The following LIN54 variants were observed in gnomAD, a reference collection of about 807,000 sequenced individuals.
The protein encoded by LIN54 is lin-54 DREAM MuvB core complex component, also known as protein lin-54 homolog.
LIN54 carries 9 observed loss-of-function variants against 78.7 expected under a neutral mutation model. The observed-to-expected ratio is 0.11, with a 90% CI of 0.07 to 0.20. LIN54 has a LOEUF of 0.20. Among genes scored for constraint, LIN54 ranks in the 10% least tolerant of loss-of-function variants. The pLI is 1.00. For synonymous variants in LIN54, 269 were observed against 318.4 expected, an observed-to-expected ratio of 0.84 and a Z score of 1.65; for missense variants, 573 against 889.9, an observed-to-expected ratio of 0.64 and a Z score of 4.53.
chr4:82,930,421 G>T (rs1721856761), intron 12 of LIN54, among the ~76,000 whole-genome samples: 1 of 152,134 alleles, frequency 6.6e-6, no homozygotes, highest in African/African-American at 2.4e-5. Flanking sequence ...GAGGCTCAAA[G>T]AGATTCACAA....
rs1455398400 is a variant in LIN54 at position 82,984,451 on chromosome 4, T to G, written c.394A>C (p.Thr132Pro). The G allele has an allele frequency of 6.2e-7, 1 of 1,614,208 alleles. No homozygotes were observed. Among genetic ancestry groups the G allele is most frequent in the Non-Finnish European group, 8.5e-7 (1 of 1,180,038 alleles). The change falls in exon 2 of 13, where the codon ACC becomes CCC. Residue 132 changes from threonine to proline, a missense_variant. Transcript: ENST00000340417. ...QTSDLKLGNQ[T>P]LKPDGQKLIL... is the part of the protein sequence containing the mutation. ...AACTTCTGTCCATCTGGTTTAAGGG[T>G]CTGATTGCCAAGTTTAAGATCAGAT...
intron 1 of LIN54, among the ~76,000 whole-genome samples, chr4:82,985,109 G>A (rs1240578766): frequency 2.6e-5 from 4 of 152,090 alleles, no homozygotes; most frequent in African/African-American, 2.4e-5. Flanking sequence ...TCTTACTCTC[G>A]TCTCAATCCA....
At position 82,924,963 on chromosome 4, in the gene LIN54, G is replaced by GAT. The variant is rs1193413844; in HGVS notation, c.*3137_*3138dup. On this transcript the variant is annotated 3_prime_UTR_variant, in exon 13 of 13. Transcript: ENST00000340417. ...TTTGTGTTACAGAACAATAAAAATA[G>GAT]ATAACTTTTCTAAAATTATTTTTAT... The GAT allele has an allele frequency of 1.3e-5, 2 of 152,524 alleles. No individual in the cohort carries two copies. Among genetic ancestry groups the GAT allele is most frequent in the African/African-American group, 2.4e-5 (1 of 41,404 alleles). The allele number at this position is 152,524 out of a possible 1,614,324, so 9.4% of individuals were successfully genotyped here. A position where few individuals can be genotyped will look rare whatever the true frequency, so the allele number is the denominator to read the frequency against.
At chr4:83,003,902 A>G (rs1431624168) in intron 1 of LIN54, among the ~76,000 whole-genome samples, 2 of 152,216 alleles carry the variant, frequency 1.3e-5, no homozygotes, top group Non-Finnish European at 2.9e-5. Flanking sequence ...GGATCATCTG[A>G]ATAACCACAT....
At chr4:82,959,407 A>G (rs1724609806) in intron 4 of LIN54, among the ~76,000 whole-genome samples, 1 of 152,082 alleles carries the variant, frequency 6.6e-6, no homozygotes, top group Admixed American at 6.6e-5. Context: ...AGGCAAGAGG[A>G]TTGCTTCAAT....
intron 1 of LIN54, among the ~76,000 whole-genome samples, chr4:82,997,675 A>C (rs890928731): frequency 6.6e-6 from 1 of 152,022 alleles, no homozygotes; most frequent in African/African-American, 2.4e-5. Flanking sequence ...TAAATGCTAG[A>C]TATGATTTAG....
At chr4:82,989,516 C>A (rs1487998544) in intron 1 of LIN54, among the ~76,000 whole-genome samples, 1 of 152,138 alleles carries the variant, frequency 6.6e-6, no homozygotes, top group African/African-American at 2.4e-5. Context: ...CTGGATACTA[C>A]CCCCAACGAA....
intron 1 of LIN54, among the ~76,000 whole-genome samples, chr4:82,989,817 G>A (rs1727507294): frequency 6.6e-6 from 1 of 152,130 alleles, no homozygotes; most frequent in South Asian, 2.1e-4. Flanking sequence ...AAACTTCTAA[G>A]GTTTTGAATC....
At chr4:83,007,590 C>T (rs1026630340) in intron 1 of LIN54, among the ~76,000 whole-genome samples, 13 of 151,956 alleles carry the variant, frequency 8.6e-5, no homozygotes, top group African/African-American at 3.1e-4. Flanking sequence ...TTACGGCATC[C>T]GATAGTCTAC....
At chr4:82,935,175 CTT>C (rs1722295054) in intron 11 of LIN54, among the ~76,000 whole-genome samples, 1 of 151,602 alleles carries the variant, frequency 6.6e-6, no homozygotes, top group African/African-American at 2.4e-5. Context: ...GCAGTGTGCT[CTT>C]TGAGTGGGCA....
At chr4:82,998,013 TATATATATAATA>T (rs1290119845) in intron 1 of LIN54, among the ~76,000 whole-genome samples, 4 of 61,792 alleles carry the variant, frequency 6.5e-5, no homozygotes, top group South Asian at 5.2e-4. Context: ...AAAATAATAA[TATATATATAATA>T]ATATATATAT....
upstream of LIN54, chr4:83,012,680 C>T (rs1386684652): frequency 1.3e-5 from 2 of 151,948 alleles, no homozygotes; most frequent in South Asian, 2.1e-4. Context: ...GGCCCGGGCT[C>T]CCGGAGGGAG....
chr4:83,004,579 A>T (rs1468608266), intron 1 of LIN54, among the ~76,000 whole-genome samples: 1 of 151,978 alleles, frequency 6.6e-6, no homozygotes, highest in Non-Finnish European at 1.5e-5. Context: ...AGCCTCGGAC[A>T]CCTGGGCTCA....
At chr4:82,986,779 C>T (rs1433845360) in intron 1 of LIN54, among the ~76,000 whole-genome samples, 3 of 150,396 alleles carry the variant, frequency 2.0e-5, no homozygotes, top group Admixed American at 2.0e-4. Flanking sequence ...CAACTATTAG[C>T]ATTGGCAAAT....
chr4:82,939,915 T>C lies in LIN54; in HGVS notation c.1216A>G (p.Ile406Val), dbSNP rs547535892. 76 of 1,612,398 alleles carry C rather than the reference T, an allele frequency of 4.7e-5. No homozygotes were observed. In the South Asian group the frequency reaches 6.1e-4, roughly 13 times the overall value. Residue 406 changes from isoleucine to valine, a missense_variant, in exon 6 of 13, where the codon ATT becomes GTT. By Grantham distance (29) the Ile-to-Val change is conservative. Transcript: ENST00000340417. ...NTTPVRMSVP[I>V]VSAQAVKQVV... The stretch of plus-strand genomic sequence containing the variant: ...TGTTTGACAGCCTGAGCTGAGACAA[T>C]TGGAACTGACATCCGCACTGGGGTT...
At chr4:82,994,518 C>G (rs1283742753) in intron 1 of LIN54, among the ~76,000 whole-genome samples, 1 of 152,094 alleles carries the variant, frequency 6.6e-6, no homozygotes, top group Non-Finnish European at 1.5e-5. Flanking sequence ...CTGCCTCAGC[C>G]TCCCAAGTAG....
At chr4:82,944,547 A>G (rs1723197705) in intron 5 of LIN54, among the ~76,000 whole-genome samples, 1 of 152,084 alleles carries the variant, frequency 6.6e-6, no homozygotes, top group South Asian at 2.1e-4. Context: ...TTTTCTAAAA[A>G]GAATTAGAAA....
chr4:82,964,424 G>A (rs1725047412), intron 4 of LIN54, among the ~76,000 whole-genome samples: 1 of 152,064 alleles, frequency 6.6e-6, no homozygotes, highest in Admixed American at 6.6e-5. Flanking sequence ...ATTGAAAGTG[G>A]GAATCCTTGT....
At chr4:82,946,861 T>C (rs1414997517) in intron 4 of LIN54, among the ~76,000 whole-genome samples, 1 of 152,152 alleles carries the variant, frequency 6.6e-6, no homozygotes, top group East Asian at 1.9e-4. Context: ...TATAGATGGT[T>C]GGCATTATTG....
Sources: allele counts gnomAD v4.1 joint callset (sites outside exome capture counted in the v4.1 genomes callset), GRCh38; gene constraint gnomAD v4.1.1; transcripts MANE v1.5; gene names NCBI Gene and HGNC (gene_info 2026-07-23, HGNC 2026-07-21).